The following ASPRV1 variants were observed in gnomAD, a reference collection of about 807,000 sequenced individuals.
ASPRV1 encodes retroviral-like aspartic protease 1.
Under a neutral mutation model 11.0 loss-of-function variants are expected in ASPRV1, and 7 were observed. That is an observed-to-expected ratio of 0.64 (90% CI 0.36 to 1.20). The LOEUF (loss-of-function observed/expected upper bound fraction) is 1.20. ASPRV1 is among the 50% of genes most tolerant of loss of function. ASPRV1 has a pLI of 0.02. For synonymous variants in ASPRV1, 136 were observed against 138.4 expected (o/e 0.98, Z 0.12); for missense variants, 299 against 320.0 (o/e 0.93, Z 0.50).
chr2:69,935,595 C>G, the ASPRV1 span: 1 of 660,620 alleles, frequency 1.5e-6, no homozygotes. Context: ...ACAGGTACCT[C>G]AAATGCAACA....
chr2:69,942,684 G>A, the ASPRV1 span: 1 of 152,066 alleles, frequency 6.6e-6, no homozygotes, highest in African/African-American at 2.4e-5. Context: ...ATTTTTGGGG[G>A]GCCATCTTCC....
the ASPRV1 span, among the ~76,000 whole-genome samples, chr2:70,065,479 TTATAA>T: frequency 2.7e-5 from 4 of 147,216 alleles, no homozygotes; most frequent in East Asian, 2.0e-4. Flanking sequence ...AACCAGAAAA[TTATAA>T]TATATTGATA....
At chr2:70,086,333 A>G in the ASPRV1 span, 1 of 152,228 alleles carries the variant, frequency 6.6e-6, no homozygotes, top group African/African-American at 2.4e-5. Flanking sequence ...GCGCCACGTT[A>G]GCCGCTTTCC....
At chr2:69,967,118 T>C in the ASPRV1 span, among the ~76,000 whole-genome samples, 57 of 152,304 alleles carry the variant, frequency 3.7e-4, no homozygotes, top group Admixed American at 3.2e-3. Context: ...GAATGGACAA[T>C]GCCAAATAGG....
chr2:69,987,731 CA>C, the ASPRV1 span, among the ~76,000 whole-genome samples: 1 of 152,138 alleles, frequency 6.6e-6, no homozygotes. Context: ...GCCTGCACCA[CA>C]GTGAAACCCT....
At chr2:70,025,010 A>C in the ASPRV1 span, among the ~76,000 whole-genome samples, 1 of 152,248 alleles carries the variant, frequency 6.6e-6, no homozygotes, top group Non-Finnish European at 1.5e-5. Flanking sequence ...TAGCTCAAAT[A>C]AATGTTCCAC....
the ASPRV1 span, among the ~76,000 whole-genome samples, chr2:70,047,379 GA>G: frequency 6.6e-6 from 1 of 152,214 alleles, no homozygotes; most frequent in Non-Finnish European, 1.5e-5. Flanking sequence ...TTTGACAGGG[GA>G]GACAGCCACT....
At chr2:69,935,731 T>C in the ASPRV1 span, among the ~76,000 whole-genome samples, 2 of 152,190 alleles carry the variant, frequency 1.3e-5, no homozygotes, top group Non-Finnish European at 2.9e-5. Flanking sequence ...TCCTTAACCA[T>C]ATATCTAGGC....
chr2:70,009,483 C>T, the ASPRV1 span, among the ~76,000 whole-genome samples: 11 of 152,120 alleles, frequency 7.2e-5, no homozygotes, highest in Non-Finnish European at 1.2e-4. Flanking sequence ...GCATGCACCA[C>T]CATGCCCAGC....
At chr2:70,035,542 A>C in the ASPRV1 span, among the ~76,000 whole-genome samples, 7 of 151,600 alleles carry the variant, frequency 4.6e-5, no homozygotes, top group African/African-American at 1.5e-4. Context: ...CTGACTGCCC[A>C]CCAAGCACTG....
chr2:70,001,166 T>TA, the ASPRV1 span, among the ~76,000 whole-genome samples: 324 of 146,568 alleles, frequency 2.2e-3, 1 homozygote, highest in Non-Finnish European at 2.7e-3. Context: ...CTTTTTAAAT[T>TA]AAAAAAAAAA....
At chr2:70,045,579 G>A in the ASPRV1 span, 1 of 152,152 alleles carries the variant, frequency 6.6e-6, no homozygotes, top group African/African-American at 2.4e-5. Context: ...TAAAAGGAAT[G>A]CAATTCTGAT....
the ASPRV1 span, among the ~76,000 whole-genome samples, chr2:70,081,963 C>T: frequency 3.3e-5 from 5 of 151,694 alleles, no homozygotes; most frequent in Non-Finnish European, 5.9e-5. Flanking sequence ...AAAAAAGCTA[C>T]GTTAGTAGGG....
At chr2:69,955,150 G>A (rs1245163778), downstream of ASPRV1, among the ~76,000 whole-genome samples, 4 of 152,226 alleles carry the variant, frequency 2.6e-5, no homozygotes, top group Admixed American at 2.6e-4. Context: ...GGCCTGGAAC[G>A]TGGGGTGGCG....
the ASPRV1 span, chr2:70,050,480 T>G: frequency 2.1e-3 from 318 of 152,096 alleles, 1 homozygote; most frequent in African/African-American, 7.4e-3. Flanking sequence ...ATTGGTCTAG[T>G]AGCAGAAAAA....
the ASPRV1 span, among the ~76,000 whole-genome samples, chr2:70,076,202 A>C: frequency 6.6e-6 from 1 of 152,192 alleles, no homozygotes; most frequent in Non-Finnish European, 1.5e-5. Flanking sequence ...CCTACACTCA[A>C]GTTTGACAAG....
the ASPRV1 span, among the ~76,000 whole-genome samples, chr2:69,994,740 G>A: frequency 6.6e-6 from 1 of 152,168 alleles, no homozygotes; most frequent in Admixed American, 6.5e-5. Context: ...GCTTATGCCT[G>A]TAATCCCAGC....
At chr2:69,965,707 T>G (rs1024081197), upstream of ASPRV1, among the ~76,000 whole-genome samples, 2 of 152,148 alleles carry the variant, frequency 1.3e-5, no homozygotes, top group African/African-American at 4.8e-5. Context: ...CACCCATGCC[T>G]GCTCCTACCA....
the ASPRV1 span, among the ~76,000 whole-genome samples, chr2:69,989,105 G>A: frequency 6.6e-6 from 1 of 152,222 alleles, no homozygotes; most frequent in Non-Finnish European, 1.5e-5. Flanking sequence ...GCAGGGGATA[G>A]GGCCCAGAGG....
Sources: allele counts gnomAD v4.1 joint callset (sites outside exome capture counted in the v4.1 genomes callset), GRCh38; gene constraint gnomAD v4.1.1; transcripts MANE v1.5; gene names NCBI Gene and HGNC (gene_info 2026-07-23, HGNC 2026-07-21).